Variants in CMKLR1 observed in about 807,000 individuals in gnomAD.
CMKLR1 encodes the protein chemerin-like receptor 1.
A neutral mutation model predicts 8.2 loss-of-function variants in CMKLR1; 6 were observed. That is an observed-to-expected ratio of 0.73 (90% CI 0.40 to 1.44). The LOEUF is 1.44. CMKLR1 is among the 40% of genes most tolerant of loss of function. CMKLR1 has a pLI of 0.02. For synonymous variants in CMKLR1, 178 were observed against 181.2 expected (o/e 0.98, Z 0.14); for missense variants, 429 against 478.0 (o/e 0.90, Z 0.96).
chr12:108,296,529 A>T (rs1374153149), intron 2 of CMKLR1, among the ~76,000 whole-genome samples: 1 of 152,184 alleles, frequency 6.6e-6, no homozygotes, highest in East Asian at 1.9e-4. Flanking sequence ...AGGGCAGGTC[A>T]GAAAGGGACA....
rs528084667 is a variant in CMKLR1, at chr12:108,299,202, T to A, written c.-73-5538A>T. 1.2e-4 allele frequency among the ~76,000 whole-genome samples: 19 copies of A among 152,276 alleles called. No individual in the cohort carries two copies. In the South Asian group the frequency reaches 3.9e-3, roughly 32 times the overall value. On this transcript the variant is annotated intron_variant, in intron 2 of 3. Coordinates refer to ENST00000550402, the MANE Select transcript of CMKLR1 (RefSeq NM_001142343.2). ...TGCACCAGGTGCTCCTCCCAGCTCA[T>A]CAGTCTTGGCAAGAATGTCAGAGAA...
intron 1 of CMKLR1, among the ~76,000 whole-genome samples, chr12:108,331,336 C>T (rs1297696551): frequency 6.6e-6 from 1 of 152,168 alleles, no homozygotes; most frequent in Non-Finnish European, 1.5e-5. Context: ...CTAAATGATG[C>T]CAAAGTCTGG....
intron 2 of CMKLR1, among the ~76,000 whole-genome samples, chr12:108,318,894 C>T (rs1212924522): frequency 1.3e-5 from 2 of 152,170 alleles, no homozygotes; most frequent in Admixed American, 6.6e-5. Flanking sequence ...ACACCCCTCC[C>T]CTCCACGAAT....
chr12:108,329,616 A>G (rs1403151214), intron 2 of CMKLR1, among the ~76,000 whole-genome samples: 2 of 152,158 alleles, frequency 1.3e-5, no homozygotes, highest in East Asian at 3.9e-4. Flanking sequence ...TGAATGGATG[A>G]TGAATGGAAT....
intron 2 of CMKLR1, among the ~76,000 whole-genome samples, chr12:108,324,534 C>G (rs183402689): frequency 1.3e-5 from 2 of 152,148 alleles, no homozygotes; most frequent in Non-Finnish European, 2.9e-5. Flanking sequence ...AGAGCACAGA[C>G]GAGGCGCCTC....
At position 108,292,922 on chromosome 12, in the gene CMKLR1, T is replaced by C; in HGVS notation, c.41A>G (p.Tyr14Cys). Residue 14 changes from tyrosine to cysteine, a missense_variant, in exon 4 of 4, where the codon TAC becomes TGC. Transcript: ENST00000550402. The part of the protein sequence containing the change: ...EDEDYNTSIS[Y>C]GDEYPDYLDS... ...TAAATAATCAGGGTATTCATCACCGTAACTGATGGAAGTGTTGTAATCTTC... is the reference window on the plus strand; with the variant it reads ...TAAATAATCAGGGTATTCATCACCGCAACTGATGGAAGTGTTGTAATCTTC... The C allele has an allele frequency of 6.2e-7, 1 of 1,613,220 alleles. No individual in the cohort carries two copies. Among genetic ancestry groups the C allele is most frequent in the Non-Finnish European group, 8.5e-7 (1 of 1,179,300 alleles).
chr12:108,328,929 C>T (rs912640520), intron 2 of CMKLR1, among the ~76,000 whole-genome samples: 7 of 152,200 alleles, frequency 4.6e-5, no homozygotes, highest in Admixed American at 1.3e-4. Context: ...TTCCTCTCAG[C>T]CTCTATGCCT....
At chr12:108,334,938 G>A (rs1892187087) in intron 1 of CMKLR1, among the ~76,000 whole-genome samples, 2 of 152,132 alleles carry the variant, frequency 1.3e-5, no homozygotes, top group African/African-American at 2.4e-5. Context: ...CCTTTTTCCA[G>A]GGGGAAAAGA....
At chr12:108,300,878 T>C (rs1049613058) in intron 2 of CMKLR1, among the ~76,000 whole-genome samples, 10 of 152,126 alleles carry the variant, frequency 6.6e-5, no homozygotes, top group African/African-American at 2.4e-4. Flanking sequence ...GTTTATCCCA[T>C]CTCGCCCAAT....
intron 2 of CMKLR1, among the ~76,000 whole-genome samples, chr12:108,298,372 T>A (rs1188832282): frequency 1.3e-5 from 2 of 152,150 alleles, no homozygotes; most frequent in Non-Finnish European, 2.9e-5. Flanking sequence ...ACTCCCATTG[T>A]AAAGGGAGGA....
intron 2 of CMKLR1, among the ~76,000 whole-genome samples, chr12:108,315,087 G>C (rs1025637967): frequency 6.6e-6 from 1 of 151,796 alleles, no homozygotes; most frequent in South Asian, 2.1e-4. Context: ...ACAGGCATGC[G>C]CCACCACACC....
In CMKLR1 at chr12:108,308,648, A is replaced by G. The variant is rs181994585; in HGVS notation, c.-73-14984T>C. On this transcript the variant is annotated intron_variant, in intron 2 of 3. Transcript: ENST00000550402. Reference sequence around the variant, plus strand: ...GGAGAGGTCAGAAAATAGAGGTTCTATTAGAGGGTGAGGACGGGCAAGGCA... The same window carrying G: ...GGAGAGGTCAGAAAATAGAGGTTCTGTTAGAGGGTGAGGACGGGCAAGGCA... Among the ~76,000 whole-genome samples, 332 of 152,266 alleles carry G rather than the reference A, an allele frequency of 2.2e-3. 3 individuals are homozygous for G. The highest frequency in any genetic ancestry group is 7.7e-3 in the African/African-American group (318 of 41,550).
Position 108,290,437 on chromosome 12 carries a change from G to C in CMKLR1, c.*1404C>G, listed in dbSNP as rs1890932915. 6.6e-6 allele frequency: 1 copy of C among 152,206 alleles called. No individual in the cohort carries two copies. The highest frequency in any genetic ancestry group is 2.4e-5 in the African/African-American group (1 of 41,472). The allele number at this position is 152,206 out of a possible 1,614,324, so 9.4% of individuals were successfully genotyped here. A position where few individuals can be genotyped will look rare whatever the true frequency, so the allele number is the denominator to read the frequency against. ...GATTAAATGAGAAAACATATGTAAA[G>C]TGCATAATATAAAAAGTGCTAAATA... On this transcript the variant is annotated 3_prime_UTR_variant, in exon 4 of 4. Coordinates refer to ENST00000550402, the MANE Select transcript of CMKLR1 (RefSeq NM_001142343.2).
At chr12:108,301,071 C>CTTTTT (rs11303250) in intron 2 of CMKLR1, among the ~76,000 whole-genome samples, 5 of 90,386 alleles carry the variant, frequency 5.5e-5, no homozygotes, top group Non-Finnish European at 8.4e-5. Flanking sequence ...CCACCCAAGT[C>CTTTTT]TTTTTTTTTT....
intron 2 of CMKLR1, among the ~76,000 whole-genome samples, chr12:108,299,295 A>C (rs535507322): frequency 6.6e-6 from 1 of 152,340 alleles, no homozygotes; most frequent in East Asian, 1.9e-4. Context: ...GAACTGGAAC[A>C]ACTGAAACTT....
Position 108,292,936 on chromosome 12 carries a change from G to A in CMKLR1, c.27C>T (p.Asn9=). 6.2e-7 allele frequency: 1 copy of A among 1,610,902 alleles called. No individual in the cohort carries two copies. The highest frequency in any genetic ancestry group is 8.5e-7 in the Non-Finnish European group (1 of 1,177,564). Residue 9 remains asparagine (N), a synonymous_variant, in exon 4 of 4, where the codon AAC becomes AAT. Transcript: ENST00000550402. ...ATTCATCACCGTAACTGATGGAAGT[G>A]TTGTAATCTTCATCCTCCATTCTCT... MRMEDEDY[N]TSISYGDEYP...
intron 2 of CMKLR1, among the ~76,000 whole-genome samples, chr12:108,305,171 C>T (rs1291550133): frequency 2.6e-5 from 4 of 152,176 alleles, no homozygotes; most frequent in Non-Finnish European, 5.9e-5. Context: ...GGGACTTGGT[C>T]TCTCTTGTTT....
At chr12:108,298,840 G>A (rs761855528) in intron 2 of CMKLR1, among the ~76,000 whole-genome samples, 15 of 152,158 alleles carry the variant, frequency 9.9e-5, no homozygotes, top group Admixed American at 6.5e-4. Context: ...AAGCCACTCC[G>A]CTCTTATCCC....
At chr12:108,325,738 C>T (rs752986350) in intron 2 of CMKLR1, among the ~76,000 whole-genome samples, 1 of 152,160 alleles carries the variant, frequency 6.6e-6, no homozygotes, top group Non-Finnish European at 1.5e-5. Context: ...CTTTGACCGT[C>T]TTGCCATCCT....
Sources: allele counts gnomAD v4.1 joint callset (sites outside exome capture counted in the v4.1 genomes callset), GRCh38; gene constraint gnomAD v4.1.1; transcripts MANE v1.5; gene names NCBI Gene and HGNC (gene_info 2026-07-23, HGNC 2026-07-21).